The following CGRRF1 variants were observed in gnomAD, a reference collection of about 807,000 sequenced individuals.
The protein encoded by CGRRF1 is cell growth regulator with RING finger domain protein 1.
A neutral mutation model predicts 37.2 loss-of-function variants in CGRRF1; 32 were observed. That is an observed-to-expected ratio of 0.86 (90% CI 0.65 to 1.16). CGRRF1 has a LOEUF of 1.16. CGRRF1 is among the 50% of genes most tolerant of loss of function. CGRRF1 has a pLI of 0.00. For missense variants in CGRRF1, 391 were observed against 382.6 expected, an observed-to-expected ratio of 1.02 and a Z score of -0.18; for synonymous variants, 141 against 140.3, an observed-to-expected ratio of 1.00 and a Z score of -0.04.
At chr14:54,512,456 A>G (rs971267196) in intron 1 of CGRRF1, among the ~76,000 whole-genome samples, 1 of 152,232 alleles carries the variant, frequency 6.6e-6, no homozygotes, top group Non-Finnish European at 1.5e-5. Context: ...AACAGTTTCA[A>G]ATAATCAGGG....
At chr14:54,526,892 C>G (rs2032420031) in intron 2 of CGRRF1, among the ~76,000 whole-genome samples, 1 of 152,210 alleles carries the variant, frequency 6.6e-6, no homozygotes, top group African/African-American at 2.4e-5. Context: ...TACTGCTTCT[C>G]TCACAGGGAT....
intron 1 of CGRRF1, among the ~76,000 whole-genome samples, chr14:54,514,855 G>A (rs774733810): frequency 6.6e-6 from 1 of 151,868 alleles, no homozygotes; most frequent in Admixed American, 6.6e-5. Flanking sequence ...TTTTTTTCTT[G>A]ACCTCTAAGT....
intron 2 of CGRRF1, 45 bp from the exon 3 acceptor site, chr14:54,530,004 A>T (rs1156407466): frequency 6.7e-7 from 1 of 1,491,968 alleles, no homozygotes; most frequent in South Asian, 1.2e-5. Flanking sequence ...TTGTATTAGA[A>T]GTTACATTAA....
rs777662762 is a variant in CGRRF1, at chr14:54,509,945, C to T, written c.-15C>T. 6.3e-7 allele frequency: 1 copy of T among 1,593,972 alleles called. No homozygotes were observed. Among genetic ancestry groups the T allele is most frequent in the Admixed American group, 1.7e-5 (1 of 59,980 alleles). On this transcript the variant is annotated 5_prime_UTR_variant, in exon 1 of 6. Coordinates refer to ENST00000216420, the MANE Select transcript of CGRRF1 (RefSeq NM_006568.3). ...TCCGCGGCTGGAGCCGGGCTCTACC[C>T]AGAGCAAGACCCTGATGGCTGCGGT... is the stretch of plus-strand genomic sequence containing the variant.
intron 2 of CGRRF1, among the ~76,000 whole-genome samples, chr14:54,524,711 C>A (rs1342494443): frequency 6.6e-6 from 1 of 152,052 alleles, no homozygotes; most frequent in Non-Finnish European, 1.5e-5. Context: ...TACAAAATTT[C>A]TTATTCATCC....
intron 4 of CGRRF1, among the ~76,000 whole-genome samples, chr14:54,534,314 G>GGT (rs1463246959): frequency 6.6e-6 from 1 of 151,932 alleles, no homozygotes; most frequent in African/African-American, 2.4e-5. Context: ...TAGTAGAGAT[G>GGT]GTGTTTCACC....
At chr14:54,511,684 G>A (rs2032132416) in intron 1 of CGRRF1, among the ~76,000 whole-genome samples, 1 of 152,206 alleles carries the variant, frequency 6.6e-6, no homozygotes, top group Non-Finnish European at 1.5e-5. Context: ...ACAGACTTTG[G>A]AGTCAGTCAG....
At chr14:54,510,336 G>A in intron 1 of CGRRF1, 1 of 474,716 alleles carries the variant, frequency 2.1e-6, no homozygotes, top group East Asian at 4.1e-5. Flanking sequence ...GTTTCTAGGC[G>A]ATAAAGCAGC....
intron 1 of CGRRF1, among the ~76,000 whole-genome samples, chr14:54,510,780 A>T (rs1391676938): frequency 3.9e-5 from 6 of 152,162 alleles, no homozygotes; most frequent in Non-Finnish European, 8.8e-5. Context: ...TCTTGAGGAG[A>T]TGCTATTGTA....
rs1032040048 is a variant in CGRRF1, at chr14:54,510,064, G to C, written c.104+1G>C. ...TGACCACCGGCCTGGTATTGGGATGGTAAGTGTCCCAGGGGTGAGAGACGA... is the reference window on the plus strand; with the variant it reads ...TGACCACCGGCCTGGTATTGGGATGCTAAGTGTCCCAGGGGTGAGAGACGA... On this transcript the variant is annotated splice_donor_variant, in intron 1 of 5. Transcript: ENST00000216420. LOFTEE classifies it high-confidence loss of function. The C allele has an allele frequency of 6.2e-7, 1 of 1,602,210 alleles. No homozygotes were observed. The highest frequency in any genetic ancestry group is 1.1e-5 in the South Asian group (1 of 90,762).
chr14:54,536,195 T>G (rs554045208), intron 4 of CGRRF1: 5 of 152,340 alleles, frequency 3.3e-5, no homozygotes, highest in African/African-American at 1.2e-4. Context: ...TTTTGTACTT[T>G]GCTCTTTTTC....
At chr14:54,530,861 CTTATGG>C (rs1356255516) in intron 3 of CGRRF1, 36 bp from the exon 4 acceptor site, 1 of 1,460,034 alleles carries the variant, frequency 6.8e-7, no homozygotes, top group African/African-American at 1.4e-5. Flanking sequence ...TATTTTTGTT[CTTATGG>C]TTATAGTGGC....
chr14:54,517,602 T>C (rs1234446656), intron 1 of CGRRF1, among the ~76,000 whole-genome samples: 4 of 152,156 alleles, frequency 2.6e-5, no homozygotes, highest in Admixed American at 6.5e-5. Context: ...TATTTTTAGT[T>C]GAGTATTTTA....
At position 54,509,930 on chromosome 14, in the gene CGRRF1, G is replaced by C; in HGVS notation, c.-30G>C. 4.5e-6 allele frequency: 7 copies of C among 1,550,476 alleles called. No homozygotes were observed. Among genetic ancestry groups the C allele is most frequent in the Non-Finnish European group, 6.2e-6 (7 of 1,122,696 alleles). ...CGGGCTGGGCTGGGCTCCGCGGCTG[G>C]AGCCGGGCTCTACCCAGAGCAAGAC... On this transcript the variant is annotated 5_prime_UTR_variant, in exon 1 of 6. Coordinates refer to ENST00000216420, the MANE Select transcript of CGRRF1 (RefSeq NM_006568.3).
At chr14:54,516,439 TGTTA>T (rs768637461) in intron 1 of CGRRF1, among the ~76,000 whole-genome samples, 20 of 152,312 alleles carry the variant, frequency 1.3e-4, no homozygotes, top group Non-Finnish European at 2.8e-4. Flanking sequence ...ATTTTTTTCC[TGTTA>T]GTTCTTTAAA....
intron 1 of CGRRF1, among the ~76,000 whole-genome samples, chr14:54,514,452 T>C (rs2032183460): frequency 6.6e-6 from 1 of 150,664 alleles, no homozygotes; most frequent in South Asian, 2.1e-4. Flanking sequence ...TGTTGTTGTT[T>C]TTAAACATTT....
At position 54,522,478 on chromosome 14, in the gene CGRRF1, T is replaced by G. The variant is rs2032334367; in HGVS notation, c.129T>G (p.Ile43Met). 2.5e-6 allele frequency: 4 copies of G among 1,579,748 alleles called. No individual in the cohort carries two copies. In the East Asian group the frequency reaches 6.8e-5, roughly 27 times the overall value. The change falls in exon 2 of 6, where the codon ATT becomes ATG. Residue 43 changes from isoleucine (I) to methionine (M), a missense_variant. By Grantham distance (10) the Ile-to-Met change is conservative (BLOSUM62 1). Transcript: ENST00000216420. ...GGTTTGGTTGGGATGTTCCAGTAAT[T>G]CTGAGAAATTCAGAAGAGACCCAGT... The part of the protein sequence containing the change: ...LGWFGWDVPV[I>M]LRNSEETQFS...
intron 1 of CGRRF1, among the ~76,000 whole-genome samples, chr14:54,512,157 T>C (rs1158923198): frequency 6.6e-6 from 1 of 152,230 alleles, no homozygotes; most frequent in East Asian, 1.9e-4. Context: ...TAACCTCCCA[T>C]AATACCATCT....
chr14:54,520,147 C>T (rs942451072), intron 1 of CGRRF1, among the ~76,000 whole-genome samples: 9 of 151,926 alleles, frequency 5.9e-5, no homozygotes, highest in Non-Finnish European at 8.8e-5. Context: ...CTTGCTCTGT[C>T]GCTCAGGCTG....
Sources: allele counts gnomAD v4.1 joint callset (sites outside exome capture counted in the v4.1 genomes callset), GRCh38; gene constraint gnomAD v4.1.1; transcripts MANE v1.5; gene names NCBI Gene and HGNC (gene_info 2026-07-23, HGNC 2026-07-21).